The following IQGAP1 variants were observed in gnomAD, a reference collection of about 807,000 sequenced individuals.
IQGAP1 encodes IQ motif containing GTPase activating protein 1.
IQGAP1 carries 66 observed loss-of-function variants against 215.6 expected under a neutral mutation model. The observed-to-expected ratio is 0.31, with a 90% confidence interval of 0.25 to 0.38. The LOEUF (loss-of-function observed/expected upper bound fraction) is 0.38. Among genes scored for constraint, IQGAP1 ranks in the 10% least tolerant of loss-of-function variants. IQGAP1 has a pLI of 1.00. For missense variants in IQGAP1, 1,712 were observed against 1,997.1 expected, an observed-to-expected ratio of 0.86 and a Z score of 2.72; for synonymous variants, 772 against 728.7, an observed-to-expected ratio of 1.06 and a Z score of -0.96.
At chr15:90,389,477 C>T (rs1373175819) in intron 1 of IQGAP1, among the ~76,000 whole-genome samples, 2 of 151,646 alleles carry the variant, frequency 1.3e-5, no homozygotes, top group Admixed American at 6.6e-5. Context: ...CGAGTACAGG[C>T]GTCGGCCACC....
chr15:90,456,129 A>G (rs182445260), intron 14 of IQGAP1, 23 bp from the exon 15 acceptor site: 6 of 1,597,702 alleles, frequency 3.8e-6, no homozygotes, highest in Non-Finnish European at 5.1e-6. Flanking sequence ...GAAAAAAAAA[A>G]CTTTCTGTCT....
At chr15:90,394,225 G>A (rs1440710707) in intron 2 of IQGAP1, among the ~76,000 whole-genome samples, 1 of 148,250 alleles carries the variant, frequency 6.7e-6, no homozygotes, top group Non-Finnish European at 1.5e-5. Flanking sequence ...CATAATAGTG[G>A]CATATTACCC....
At chr15:90,456,581 T>C (rs1965683328) in intron 15 of IQGAP1, among the ~76,000 whole-genome samples, 1 of 151,914 alleles carries the variant, frequency 6.6e-6, no homozygotes, top group Admixed American at 6.6e-5. Context: ...TACTGAAATA[T>C]AAGATCCAGG....
At chr15:90,497,387 T>C (rs1966286923) in intron 37 of IQGAP1, 47 bp downstream of exon 37, 6 of 920,786 alleles carry the variant, frequency 6.5e-6, no homozygotes, top group South Asian at 4.1e-5. Context: ...ATGAGATTCT[T>C]GTCCAAGTAG....
At position 90,491,545 on chromosome 15, in the gene IQGAP1, G is replaced by A. The variant is rs377562539; in HGVS notation, c.4461G>A (p.Arg1487=). The change falls in exon 34 of 38, where the codon AGG becomes AGA. Residue 1487 remains arginine, a splice_region_variant and synonymous_variant. Coordinates refer to ENST00000268182, the MANE Select transcript of IQGAP1 (RefSeq NM_003870.4). The stretch of plus-strand genomic sequence containing the variant: ...AGGAACTGATCAACGACATTGCCAG[G>A]GTACTGCATTCGGGGGACAGAGGGG... ...KYQELINDIA[R]DIRNQRRYRQ... is the part of the protein sequence containing the mutation. 1 of 1,613,422 alleles carries A rather than the reference G, an allele frequency of 6.2e-7. No homozygotes were observed. The highest frequency in any genetic ancestry group is 8.5e-7 in the Non-Finnish European group (1 of 1,179,460).
At chr15:90,479,554 A>G (rs1966026603) in intron 26 of IQGAP1, among the ~76,000 whole-genome samples, 1 of 148,658 alleles carries the variant, frequency 6.7e-6, no homozygotes, top group Non-Finnish European at 1.5e-5. Context: ...CCTGGGTAAC[A>G]TAGGGATACC....
rs1555439076 is a variant in IQGAP1 at position 90,457,434 on chromosome 15, G to GC, written c.1776+1119_1776+1120insC. 1.9e-4 allele frequency among the ~76,000 whole-genome samples: 27 copies of GC among 145,696 alleles called. 3 individuals are homozygous for GC. In the South Asian group the frequency reaches 5.7e-3, roughly 31 times the overall value. On this transcript the variant is annotated intron_variant, in intron 15 of 37. Transcript: ENST00000268182. ...AGACTGTTGTAAATAGGGCTTCTTTGTTTTTTTTTTGAGACGGAGTCTTGC... is the reference window on the plus strand; with the variant it reads ...AGACTGTTGTAAATAGGGCTTCTTTGCTTTTTTTTTTGAGACGGAGTCTTGC...
intron 26 of IQGAP1, among the ~76,000 whole-genome samples, chr15:90,481,082 T>C (rs1013903963): frequency 3.9e-5 from 6 of 152,136 alleles, no homozygotes; most frequent in Admixed American, 2.0e-4. Context: ...ACCATTATCA[T>C]GAAGTCGAGG....
intron 36 of IQGAP1, 39 bp from the exon 37 acceptor site, chr15:90,497,193 A>G: frequency 2.9e-6 from 3 of 1,039,724 alleles, no homozygotes; most frequent in South Asian, 1.4e-5. Context: ...TTATATGAGA[A>G]TATAAAAACC....
rs1285991873 is a variant in IQGAP1, at chr15:90,486,986, A to G, written c.4057A>G (p.Lys1353Glu). ...CTCTGGCAATTTAAATGACCCAAAT[A>G]AGGAGGCACTGGCTAAGACGGAAGT... ...ESSGNLNDPN[K>E]EALAKTEVSL... Residue 1353 changes from lysine (K) to glutamate (E), a missense_variant, in exon 32 of 38, where the codon AAG becomes GAG. Physicochemically the swap from Lys to Glu is moderately conservative, Grantham distance 56. Around this residue, in one of 2 missense-constraint regions of IQGAP1, gnomAD observed 691 missense variants for 923.0 expected, o/e 0.75. Coordinates refer to ENST00000268182, the MANE Select transcript of IQGAP1 (RefSeq NM_003870.4). 19 of 1,614,020 alleles carry G rather than the reference A, an allele frequency of 1.2e-5. No individual in the cohort carries two copies. Among genetic ancestry groups the G allele is most frequent in the Non-Finnish European group, 1.6e-5 (19 of 1,180,008 alleles).
At chr15:90,489,919 A>G (rs985010659) in intron 33 of IQGAP1, among the ~76,000 whole-genome samples, 2 of 152,234 alleles carry the variant, frequency 1.3e-5, no homozygotes, top group Non-Finnish European at 2.9e-5. Flanking sequence ...CTTATTTTGC[A>G]GATGAGGAAA....
Position 90,500,329 on chromosome 15 carries a change from G to T in IQGAP1, c.*221G>T. ...GTTTCAGGCTTAGTCTGACCTTTCT[G>T]GTTTCTTCATTTTCTTCCATTACTT... On this transcript the variant is annotated 3_prime_UTR_variant, in exon 38 of 38. Transcript: ENST00000268182. 1 of 450,406 alleles carries T rather than the reference G, an allele frequency of 2.2e-6. No homozygotes were observed. Among genetic ancestry groups the T allele is most frequent in the Non-Finnish European group, 4.0e-6 (1 of 247,420 alleles). 27.9% of individuals were successfully genotyped at this position (450,406 alleles called of 1,614,324 possible).
chr15:90,479,084 G>A (rs895814062), intron 26 of IQGAP1, among the ~76,000 whole-genome samples: 1 of 152,180 alleles, frequency 6.6e-6, no homozygotes, highest in African/African-American at 2.4e-5. Context: ...GTTTTTTCTT[G>A]TTGTGGAGTA....
chr15:90,487,191 C>G, intron 32 of IQGAP1, 102 bp downstream of exon 32: 1 of 1,124,484 alleles, frequency 8.9e-7, no homozygotes, highest in Non-Finnish European at 1.3e-6. Context: ...CCATCCTGAC[C>G]TCTCGTACTT....
Position 90,433,232 on chromosome 15 carries a change from T to G in IQGAP1, c.391-487T>G, listed in dbSNP as rs1292098568. 8.5e-5 allele frequency among the ~76,000 whole-genome samples: 13 copies of G among 152,206 alleles called. No individual in the cohort carries two copies. The East Asian group carries it at 2.5e-3, about 29-fold the overall frequency. On this transcript the variant is annotated intron_variant, in intron 4 of 37. Coordinates refer to ENST00000268182, the MANE Select transcript of IQGAP1 (RefSeq NM_003870.4). ...TAAACACATTTTAATATTTTATAGT[T>G]TTTTTCAATGTCTAAATGTAGCAGG... is the stretch of plus-strand genomic sequence containing the variant.
At chr15:90,473,561 C>A (rs1010606273) in intron 19 of IQGAP1, 154 bp from the exon 20 acceptor site, 3 of 609,420 alleles carry the variant, frequency 4.9e-6, no homozygotes. Flanking sequence ...AGGGATGGCC[C>A]GTGCCCTTGT....
At chr15:90,486,855 G>A in intron 31 of IQGAP1, 99 bp from the exon 32 acceptor site, 1 of 1,221,798 alleles carries the variant, frequency 8.2e-7, no homozygotes, top group Non-Finnish European at 1.2e-6. Context: ...GGTGATTCAA[G>A]TATTATCTTA....
At chr15:90,434,487 A>G (rs986861675) in intron 5 of IQGAP1, among the ~76,000 whole-genome samples, 2 of 152,042 alleles carry the variant, frequency 1.3e-5, no homozygotes, top group Non-Finnish European at 2.9e-5. Context: ...TTGTACCAAC[A>G]CAAACATGAT....
chr15:90,477,950 C>T (rs1268458593), intron 26 of IQGAP1, 61 bp downstream of exon 26: 7 of 1,077,668 alleles, frequency 6.5e-6, no homozygotes, highest in African/African-American at 1.6e-5. Context: ...TCTTTTTTCC[C>T]CTCTCTTTAT....
Sources: gnomAD v4.1 joint callset for allele counts (sites outside exome capture counted in the v4.1 genomes callset) on GRCh38, gnomAD v4.1.1 for gene constraint, gnomAD v4.1.1 regional missense constraint, MANE v1.5 for transcripts, NCBI Gene and HGNC (gene_info 2026-07-23, HGNC 2026-07-21) for gene names.